ACTMAP: variants seen among roughly 807,000 people sequenced by gnomAD.
The protein encoded by ACTMAP is UPF0692 protein C19orf54.
the ACTMAP span, chr19:40,741,760 T>C: frequency 1.1e-5 from 5 of 456,696 alleles, no homozygotes; most frequent in South Asian, 7.7e-5. Context: ...AGTCTTGCCA[T>C]CTGTCAAATC....
chr19:40,748,524 G>A, the ACTMAP span, among the ~76,000 whole-genome samples: 6 of 152,140 alleles, frequency 3.9e-5, no homozygotes, highest in Admixed American at 6.5e-5. Flanking sequence ...TCCCACCTGG[G>A]TCCCTGGATG....
chr19:40,740,983 C>G, the ACTMAP span: 8,922 of 398,704 alleles, frequency 0.022, 134 homozygotes, highest in Non-Finnish European at 0.028. Context: ...ACTCACTTGG[C>G]AGTCACTGGG....
chr19:40,743,975 G>C, the ACTMAP span: 1 of 1,614,046 alleles, frequency 6.2e-7, no homozygotes, highest in South Asian at 1.1e-5. Context: ...CCTCGTCGTA[G>C]CTGGTGCTGG....
the ACTMAP span, among the ~76,000 whole-genome samples, chr19:40,747,915 A>T: frequency 2.0e-5 from 3 of 152,090 alleles, no homozygotes; most frequent in African/African-American, 7.2e-5. Context: ...CCAGAGTTCA[A>T]ATTGGACTCT....
At chr19:40,741,654 A>G in the ACTMAP span, 1 of 448,318 alleles carries the variant, frequency 2.2e-6, no homozygotes, top group Non-Finnish European at 4.5e-6. Flanking sequence ...GCCAGGAGAC[A>G]GCCTGGCTGA....
At chr19:40,749,749 G>A in the ACTMAP span, 20 of 1,489,040 alleles carry the variant, frequency 1.3e-5, no homozygotes, top group Non-Finnish European at 1.5e-5. Flanking sequence ...TGGGGTACAG[G>A]GGTTTTTGGA....
chr19:40,743,761 C>A, the ACTMAP span: 1 of 1,012,960 alleles, frequency 9.9e-7, no homozygotes, highest in Non-Finnish European at 1.5e-6. Flanking sequence ...TGGCAGACAC[C>A]TGGGGCCCAG....
the ACTMAP span, chr19:40,744,305 G>C: frequency 1.4e-6 from 2 of 1,417,552 alleles, no homozygotes; most frequent in East Asian, 5.0e-5. Flanking sequence ...CCACCCCTTG[G>C]TACAAATGCA....
the ACTMAP span, chr19:40,742,493 C>T: frequency 1.3e-6 from 2 of 1,508,064 alleles, no homozygotes; most frequent in Non-Finnish European, 1.8e-6. Context: ...CAGCCCGTAC[C>T]CCACCCACGG....
chr19:40,744,832 G>A, the ACTMAP span: 46 of 1,255,014 alleles, frequency 3.7e-5, no homozygotes, highest in Non-Finnish European at 4.5e-5. Flanking sequence ...TCAGGGGAGA[G>A]CCCAGGGCTG....
the ACTMAP span, chr19:40,744,187 A>G: frequency 1.1e-4 from 170 of 1,583,154 alleles, no homozygotes; most frequent in African/African-American, 2.0e-3. Context: ...CAGCCTGCCC[A>G]TATCGGCCAC....
the ACTMAP span, among the ~76,000 whole-genome samples, chr19:40,748,179 G>A: frequency 2.0e-5 from 3 of 152,112 alleles, no homozygotes; most frequent in Middle Eastern, 3.4e-3. Flanking sequence ...AAATGTGTCC[G>A]GAGGCCAGGC....
At chr19:40,744,888 G>C in the ACTMAP span, 3 of 861,152 alleles carry the variant, frequency 3.5e-6, no homozygotes, top group African/African-American at 3.4e-5. Context: ...TGAGCTTCCT[G>C]GGAGGAGGAA....
At chr19:40,749,426 T>A in the ACTMAP span, 4 of 1,293,424 alleles carry the variant, frequency 3.1e-6, no homozygotes, top group African/African-American at 1.5e-5. Context: ...CCCCAAGAGA[T>A]CTGTGAAGTG....
At chr19:40,743,366 A>G in the ACTMAP span, among the ~76,000 whole-genome samples, 2 of 151,824 alleles carry the variant, frequency 1.3e-5, no homozygotes, top group African/African-American at 2.4e-5. Flanking sequence ...CCAAGTAGCT[A>G]GGATTTCAGG....
the ACTMAP span, chr19:40,742,068 A>G: frequency 2.0e-6 from 1 of 499,568 alleles, no homozygotes; most frequent in Non-Finnish European, 3.9e-6. Flanking sequence ...AAGCATGAGG[A>G]AGACCTTGGG....
chr19:40,741,162 C>G, the ACTMAP span: 1 of 397,824 alleles, frequency 2.5e-6, no homozygotes, highest in Non-Finnish European at 4.4e-6. Context: ...TGCACTGTGG[C>G]CGGGCTCAGT....
chr19:40,741,346 G>C, the ACTMAP span: 2 of 207,294 alleles, frequency 9.6e-6, no homozygotes, highest in Admixed American at 5.6e-5. Context: ...GGGGGGCTGA[G>C]GCAGGAGAAT....
chr19:40,743,165 G>C, the ACTMAP span, among the ~76,000 whole-genome samples: 2 of 152,012 alleles, frequency 1.3e-5, no homozygotes, highest in African/African-American at 2.4e-5. Flanking sequence ...CTTTCTTTCA[G>C]GCAGGGGGAA....
Sources: allele counts gnomAD v4.1 joint callset (sites outside exome capture counted in the v4.1 genomes callset), GRCh38; gene constraint gnomAD v4.1.1; transcripts MANE v1.5; gene names NCBI Gene and HGNC (gene_info 2026-07-23, HGNC 2026-07-21).